The following SAMD4A variants were observed in gnomAD, a reference collection of about 807,000 sequenced individuals.
SAMD4A encodes the protein protein Smaug homolog 1.
A neutral mutation model predicts 81.3 loss-of-function variants in SAMD4A; 33 were observed. That is an observed-to-expected ratio of 0.41 (90% CI 0.31 to 0.54). The LOEUF (loss-of-function observed/expected upper bound fraction) is 0.54, where lower values mean the gene tolerates loss of function less well. SAMD4A is among the 20% of genes least tolerant of loss of function. SAMD4A has a pLI of 0.37. For missense variants in SAMD4A, 854 were observed against 951.1 expected, an observed-to-expected ratio of 0.90 and a Z score of 1.34; for synonymous variants, 389 against 382.1, an observed-to-expected ratio of 1.02 and a Z score of -0.21.
intron 4 of SAMD4A, among the ~76,000 whole-genome samples, chr14:54,746,319 C>T (rs1218107036): frequency 2.6e-5 from 4 of 152,138 alleles, no homozygotes; most frequent in Non-Finnish European, 5.9e-5. Context: ...AAACAGTGTC[C>T]GTGCGTACCT....
intron 11 of SAMD4A, among the ~76,000 whole-genome samples, chr14:54,780,071 TAGG>T (rs1394008217): frequency 6.6e-6 from 1 of 152,076 alleles, no homozygotes; most frequent in African/African-American, 2.4e-5. Context: ...GGCTCAACAG[TAGG>T]AGATCATGGA....
chr14:54,690,874 T>C (rs2036415584), intron 2 of SAMD4A, among the ~76,000 whole-genome samples: 1 of 152,200 alleles, frequency 6.6e-6, no homozygotes, highest in Non-Finnish European at 1.5e-5. Flanking sequence ...TCTCAGACCC[T>C]GGGGTAGAGT....
intron 2 of SAMD4A, among the ~76,000 whole-genome samples, chr14:54,607,632 T>A (rs2034247247): frequency 6.6e-6 from 1 of 151,836 alleles, no homozygotes; most frequent in Non-Finnish European, 1.5e-5. Flanking sequence ...ATTTTTCTAT[T>A]TTTAGTAGAG....
At chr14:54,732,248 A>G (rs2037576003) in intron 3 of SAMD4A, among the ~76,000 whole-genome samples, 1 of 152,196 alleles carries the variant, frequency 6.6e-6, no homozygotes, top group Non-Finnish European at 1.5e-5. Context: ...AGGTCTATGT[A>G]CTCAGCATAG....
chr14:54,670,411 C>G (rs2035854764), intron 2 of SAMD4A, among the ~76,000 whole-genome samples: 3 of 152,234 alleles, frequency 2.0e-5, no homozygotes, highest in Non-Finnish European at 4.4e-5. Context: ...CCTTTCTTAA[C>G]TCTTACAGAA....
chr14:54,738,217 C>T (rs1029441993), intron 4 of SAMD4A, among the ~76,000 whole-genome samples: 1 of 152,184 alleles, frequency 6.6e-6, no homozygotes. Context: ...TTGCTGTTTC[C>T]GATCTTCCCC....
chr14:54,608,260 T>A (rs2034266997), intron 2 of SAMD4A, among the ~76,000 whole-genome samples: 1 of 152,196 alleles, frequency 6.6e-6, no homozygotes, highest in East Asian at 1.9e-4. Context: ...CCTGGCCCAG[T>A]TGTAAGTGGA....
intron 2 of SAMD4A, among the ~76,000 whole-genome samples, chr14:54,594,430 A>G (rs949360656): frequency 3.3e-5 from 5 of 151,924 alleles, no homozygotes; most frequent in African/African-American, 1.2e-4. Flanking sequence ...CAAAAAAAAA[A>G]AGCTACTTTT....
chr14:54,698,829 CTCT>C (rs573889893), intron 2 of SAMD4A, among the ~76,000 whole-genome samples: 15 of 152,208 alleles, frequency 9.9e-5, no homozygotes, highest in Non-Finnish European at 2.2e-4. Flanking sequence ...CTTGTTCCTC[CTCT>C]GAATCCCAGG....
intron 2 of SAMD4A, among the ~76,000 whole-genome samples, chr14:54,683,644 G>A (rs1196625169): frequency 6.6e-6 from 1 of 152,200 alleles, no homozygotes; most frequent in East Asian, 1.9e-4. Flanking sequence ...TCATGAAGGA[G>A]GAGGAGAAGG....
At chr14:54,662,421 T>C (rs1335693336) in intron 2 of SAMD4A, among the ~76,000 whole-genome samples, 1 of 151,676 alleles carries the variant, frequency 6.6e-6, no homozygotes, top group Non-Finnish European at 1.5e-5. Context: ...TTCATTTTTT[T>C]TTTCCTGAGA....
chr14:54,626,050 GT>G (rs1289940854), intron 2 of SAMD4A, among the ~76,000 whole-genome samples: 2 of 131,046 alleles, frequency 1.5e-5, no homozygotes, highest in African/African-American at 3.3e-5. Flanking sequence ...GTGTGTGTGT[GT>G]GTGTGTGTGC....
At chr14:54,607,227 G>A (rs541055451) in intron 2 of SAMD4A, among the ~76,000 whole-genome samples, 68 of 147,364 alleles carry the variant, frequency 4.6e-4, no homozygotes, top group African/African-American at 1.6e-3. Context: ...AGATGGGAAC[G>A]TAGCCCTCTG....
chr14:54,670,950 G>A (rs1566576311), intron 2 of SAMD4A, among the ~76,000 whole-genome samples: 1 of 152,196 alleles, frequency 6.6e-6, no homozygotes, highest in African/African-American at 2.4e-5. Context: ...TCCCTTAGCT[G>A]AGTGAATTCT....
At chr14:54,585,682 A>G (rs892075309) in intron 2 of SAMD4A, among the ~76,000 whole-genome samples, 1 of 152,198 alleles carries the variant, frequency 6.6e-6, no homozygotes, top group Non-Finnish European at 1.5e-5. Flanking sequence ...ATGAGTGAGA[A>G]CATAGGATGT....
At chr14:54,576,922 C>G (rs1490435638) in intron 2 of SAMD4A, among the ~76,000 whole-genome samples, 2 of 152,222 alleles carry the variant, frequency 1.3e-5, no homozygotes, top group African/African-American at 2.4e-5. Flanking sequence ...TGGAATGTGA[C>G]TTAGCCTGGG....
chr14:54,572,561 A>G (rs997298034), intron 2 of SAMD4A, among the ~76,000 whole-genome samples: 6 of 152,220 alleles, frequency 3.9e-5, no homozygotes, highest in African/African-American at 1.4e-4. Context: ...CCGCATTGGC[A>G]TATGCAGGAG....
chr14:54,668,119 A>G (rs894584502), intron 2 of SAMD4A, among the ~76,000 whole-genome samples: 4 of 152,308 alleles, frequency 2.6e-5, no homozygotes, highest in Admixed American at 2.6e-4. Context: ...TGACCTTGTG[A>G]GTTTTTGTCC....
intron 2 of SAMD4A, among the ~76,000 whole-genome samples, chr14:54,600,548 C>A (rs8016776): frequency 6.6e-6 from 1 of 152,000 alleles, no homozygotes; most frequent in African/African-American, 2.4e-5. Flanking sequence ...ACCAGATAAC[C>A]TTTGCCCTCA....
Sources: gnomAD v4.1 joint callset for allele counts (sites outside exome capture counted in the v4.1 genomes callset) on GRCh38, gnomAD v4.1.1 for gene constraint, MANE v1.5 for transcripts, NCBI Gene and HGNC (gene_info 2026-07-23, HGNC 2026-07-21) for gene names.